The following CDH12 variants were observed in gnomAD, a reference collection of about 807,000 sequenced individuals.
The protein encoded by CDH12 is cadherin-12.
A neutral mutation model predicts 74.1 loss-of-function variants in CDH12; 41 were observed. The observed-to-expected ratio is 0.55, with a 90% CI of 0.43 to 0.72. The LOEUF is 0.72. Among genes scored for constraint, CDH12 ranks in the 30% least tolerant of loss-of-function variants. The pLI is 0.00. For missense variants in CDH12, 945 were observed against 977.2 expected (o/e 0.97, Z 0.44); for synonymous variants, 399 against 355.0 (o/e 1.12, Z -1.39).
In CDH12 at chr5:21,880,632, TTTC is replaced by T. The variant is rs1752271581; in HGVS notation, c.527-25845_527-25843del. Among the ~76,000 whole-genome samples the T allele has an allele frequency of 2.8e-5, 2 of 71,822 alleles. 1 individual carries two copies. The highest frequency in any genetic ancestry group is 1.1e-3 in the South Asian group (2 of 1,784). The allele number at this position is 71,822 out of a possible 152,430, so 47.1% of individuals were successfully genotyped here. A position where few individuals can be genotyped will look rare whatever the true frequency, so the allele number is the denominator to read the frequency against. On this transcript the variant is annotated intron_variant, in intron 6 of 14. Coordinates refer to ENST00000382254, the MANE Select transcript of CDH12 (RefSeq NM_004061.5). ...CCTTCCTTCCTTCTTTCTTTCTTTCTTTCTTTCTTTCTTTCTTTCTTTCTTTCT... is the reference window on the plus strand; with the variant it reads ...CCTTCCTTCCTTCTTTCTTTCTTTCTTTTCTTTCTTTCTTTCTTTCTTTCT...
intron 3 of CDH12, among the ~76,000 whole-genome samples, chr5:22,371,752 G>T (rs1221263561): frequency 2.0e-5 from 3 of 152,098 alleles, no homozygotes; most frequent in Non-Finnish European, 4.4e-5. Flanking sequence ...AGCACCTATT[G>T]CAAGACAAAT....
intron 11 of CDH12, among the ~76,000 whole-genome samples, chr5:21,778,250 A>G (rs1006848367): frequency 6.6e-6 from 1 of 152,146 alleles, no homozygotes; most frequent in African/African-American, 2.4e-5. Flanking sequence ...GCTACAGACA[A>G]AATATCTCTG....
chr5:22,825,571 T>A (rs1661976), intron 1 of CDH12, among the ~76,000 whole-genome samples: 119,487 of 152,146 alleles, frequency 0.79, 47,117 homozygotes, highest in African/African-American at 0.83. Flanking sequence ...CTTGGCCAAA[T>A]GTGAGTGAGT....
intron 1 of CDH12, among the ~76,000 whole-genome samples, chr5:22,808,501 A>G (rs1748933797): frequency 6.6e-6 from 1 of 151,844 alleles, no homozygotes; most frequent in Non-Finnish European, 1.5e-5. Context: ...TTTAGTATAG[A>G]TTTTATTACA....
At position 21,933,908 on chromosome 5, in the gene CDH12, A is replaced by C. The variant is rs568223163; in HGVS notation, c.526+41183T>G. 2.0e-5 allele frequency among the ~76,000 whole-genome samples: 3 copies of C among 152,334 alleles called. No individual in the cohort carries two copies. In the South Asian group the frequency reaches 6.2e-4, roughly 32 times the overall value. The stretch of plus-strand genomic sequence containing the variant: ...TGAAACTTTTGTAATCAGATAGAAG[A>C]TAAAACTAACAGAAAGCACGAAGCA... On this transcript the variant is annotated intron_variant, in intron 6 of 14. Transcript: ENST00000382254.
intron 8 of CDH12, among the ~76,000 whole-genome samples, chr5:21,819,850 T>C (rs1748268615): frequency 6.6e-6 from 1 of 152,030 alleles, no homozygotes; most frequent in Non-Finnish European, 1.5e-5. Flanking sequence ...GGAACACATG[T>C]GCATCTCACT....
intron 1 of CDH12, among the ~76,000 whole-genome samples, chr5:22,794,143 T>C (rs555996701): frequency 3.3e-5 from 5 of 152,290 alleles, no homozygotes; most frequent in Admixed American, 2.6e-4. Context: ...GAAAAGCTCA[T>C]ATGTCCCAGA....
At chr5:22,644,525 A>T (rs1739332963) in intron 1 of CDH12, among the ~76,000 whole-genome samples, 1 of 152,158 alleles carries the variant, frequency 6.6e-6, no homozygotes, top group Middle Eastern at 3.4e-3. Context: ...ATAAATAAAA[A>T]TTTTTAAAAA....
chr5:21,880,716 T>C (rs1295958817), intron 6 of CDH12, among the ~76,000 whole-genome samples: 2 of 149,120 alleles, frequency 1.3e-5, no homozygotes, highest in African/African-American at 5.0e-5. Context: ...TTCCTTCCTT[T>C]CTTTTCTTTT....
chr5:21,812,439 C>T (rs1469253312), intron 9 of CDH12, among the ~76,000 whole-genome samples: 1 of 152,012 alleles, frequency 6.6e-6, no homozygotes, highest in African/African-American at 2.4e-5. Flanking sequence ...TTTACATACA[C>T]AGTTATTGAG....
Position 21,946,753 on chromosome 5 carries a change from A to G in CDH12, c.526+28338T>C, listed in dbSNP as rs6899292. On this transcript the variant is annotated intron_variant, in intron 6 of 14. Coordinates refer to ENST00000382254, the MANE Select transcript of CDH12 (RefSeq NM_004061.5). ...AGCTGTCTTAACATTATAGTCTAAC[A>G]TATTTCTCACCTGTTTGTGGCAATG... Among the ~76,000 whole-genome samples, 1,412 of 152,310 alleles carry G rather than the reference A, an allele frequency of 9.3e-3. 7 individuals are homozygous for G. Among genetic ancestry groups the G allele is most frequent in the Non-Finnish European group, 1.0e-2 (678 of 68,036 alleles).
intron 4 of CDH12, among the ~76,000 whole-genome samples, chr5:22,146,617 A>C (rs1379412893): frequency 6.6e-6 from 1 of 152,182 alleles, no homozygotes; most frequent in Non-Finnish European, 1.5e-5. Flanking sequence ...TACACTAGTT[A>C]CCTAGAAAAC....
rs1746011326 is a variant in CDH12, at chr5:21,783,279, A to G, written c.1393+79T>C. 3.1e-6 allele frequency: 4 copies of G among 1,283,374 alleles called. No individual in the cohort carries two copies. The South Asian group carries it at 4.3e-5, about 14-fold the overall frequency. 79.5% of individuals were successfully genotyped at this position (1,283,374 alleles called of 1,614,324 possible). A position where few individuals can be genotyped will look rare whatever the true frequency, so the allele number is the denominator to read the frequency against. On this transcript the variant is annotated intron_variant, in intron 11 of 14. Transcript: ENST00000382254. ...AGCTGTCAGTCCAAAAATGAAAAAC[A>G]TCTCAGCAGGGACTCATTTAAGAGT...
intron 1 of CDH12, among the ~76,000 whole-genome samples, chr5:22,620,709 T>C (rs893586629): frequency 1.3e-5 from 2 of 152,158 alleles, no homozygotes; most frequent in African/African-American, 4.8e-5. Flanking sequence ...ATAGAATTAG[T>C]GTCATATAGA....
chr5:22,548,532 G>T (rs1738428233), intron 1 of CDH12, among the ~76,000 whole-genome samples: 1 of 151,738 alleles, frequency 6.6e-6, no homozygotes, highest in Non-Finnish European at 1.5e-5. Context: ...TAACATGAAA[G>T]TTCCCAAAAA....
chr5:22,059,381 A>G (rs909718379), intron 5 of CDH12, among the ~76,000 whole-genome samples: 2 of 72,300 alleles, frequency 2.8e-5, no homozygotes, highest in African/African-American at 2.8e-4. Context: ...CTATCTATCT[A>G]TCTATCTATC....
At chr5:22,657,512 C>A (rs1456713031) in intron 1 of CDH12, among the ~76,000 whole-genome samples, 1 of 152,212 alleles carries the variant, frequency 6.6e-6, no homozygotes. Context: ...ACATTACTTA[C>A]TACTGAAGCC....
At chr5:22,270,094 T>G (rs1025804066) in intron 3 of CDH12, among the ~76,000 whole-genome samples, 2 of 152,174 alleles carry the variant, frequency 1.3e-5, no homozygotes, top group Non-Finnish European at 2.9e-5. Context: ...TGGGAAGAGC[T>G]GGGAGTATGG....
At chr5:22,628,576 A>G (rs2126852858) in intron 1 of CDH12, among the ~76,000 whole-genome samples, 1 of 152,300 alleles carries the variant, frequency 6.6e-6, no homozygotes, top group East Asian at 1.9e-4. Context: ...ACATACCAGG[A>G]TCTCTGGGAC....
Sources: allele counts gnomAD v4.1 joint callset (sites outside exome capture counted in the v4.1 genomes callset), GRCh38; gene constraint gnomAD v4.1.1; transcripts MANE v1.5; gene names NCBI Gene and HGNC (gene_info 2026-07-23, HGNC 2026-07-21).